Variants in FEM1C observed in about 807,000 individuals in gnomAD.
FEM1C encodes protein fem-1 homolog C.
FEM1C carries 15 observed loss-of-function variants against 37.6 expected under a neutral mutation model. The observed-to-expected ratio is 0.40, with a 90% CI of 0.27 to 0.61. The LOEUF is 0.61. FEM1C is among the 20% of genes least tolerant of loss of function. The pLI, the probability that FEM1C is intolerant of heterozygous loss-of-function variation, is 0.42. For synonymous variants in FEM1C, 287 were observed against 272.8 expected, an observed-to-expected ratio of 1.05 and a Z score of -0.51; for missense variants, 532 against 749.7, an observed-to-expected ratio of 0.71 and a Z score of 3.39.
chr5:115,532,223 A>T (rs17472710), intron 2 of FEM1C, among the ~76,000 whole-genome samples: 8,232 of 152,164 alleles, frequency 0.054, 250 homozygotes, highest in Middle Eastern at 0.13. Flanking sequence ...CTACTGCTTC[A>T]CAAATAAGTT....
chr5:115,524,863 A>G lies in FEM1C; in HGVS notation c.1299T>C (p.Ala433=), dbSNP rs1753854833. ...GGGCCTTATTTAACTGTAATGGGTC[A>G]GCTGGACACTGAGTTTGTTTGATAG... The part of the protein sequence containing the change: ...ERAIKQTQCP[A]DPLQLNKALS... Residue 433 remains alanine (A), a synonymous_variant, in exon 3 of 3, where the codon GCT becomes GCC. Coordinates refer to ENST00000274457, the MANE Select transcript of FEM1C (RefSeq NM_020177.3). 2.5e-6 allele frequency: 4 copies of G among 1,613,490 alleles called. No homozygotes were observed. Among genetic ancestry groups the G allele is most frequent in the Non-Finnish European group, 3.4e-6 (4 of 1,179,770 alleles).
chr5:115,536,283 A>T (rs1172974564), intron 2 of FEM1C, among the ~76,000 whole-genome samples: 1 of 152,020 alleles, frequency 6.6e-6, no homozygotes, highest in Admixed American at 6.6e-5. Context: ...TGGTGAAAGT[A>T]TAAGTGTTGA....
At position 115,543,654 on chromosome 5, in the gene FEM1C, T is replaced by C; in HGVS notation, c.-161A>G. 1.5e-6 allele frequency: 2 copies of C among 1,375,148 alleles called. No individual in the cohort carries two copies. Among genetic ancestry groups the C allele is most frequent in the Non-Finnish European group, 1.9e-6 (2 of 1,069,130 alleles). The allele number at this position is 1,375,148 out of a possible 1,614,324, so 85.2% of individuals were successfully genotyped here. On this transcript the variant is annotated 5_prime_UTR_variant, in exon 2 of 3. Coordinates refer to ENST00000274457, the MANE Select transcript of FEM1C (RefSeq NM_020177.3). Reference sequence around the variant, plus strand: ...CGAAGAGTATGTTCCGTCCTACTGCTTTCCAACATCTGACAACCAGGGCAC... The same window carrying C: ...CGAAGAGTATGTTCCGTCCTACTGCCTTCCAACATCTGACAACCAGGGCAC...
Position 115,539,637 on chromosome 5 carries a change from T to C in FEM1C, c.544+3313A>G, listed in dbSNP as rs147087036. Reference sequence around the variant, plus strand: ...GGATAAAGCATTTCCAAATATCTAATAGAAGAAAGTACTACTGTTGCACTT... The same window carrying C: ...GGATAAAGCATTTCCAAATATCTAACAGAAGAAAGTACTACTGTTGCACTT... On this transcript the variant is annotated intron_variant, in intron 2 of 2. Coordinates refer to ENST00000274457, the MANE Select transcript of FEM1C (RefSeq NM_020177.3). 4.6e-3 allele frequency among the ~76,000 whole-genome samples: 706 copies of C among 152,208 alleles called. 4 individuals carry two copies. Among genetic ancestry groups the C allele is most frequent in the African/African-American group, 0.016 (670 of 41,558 alleles).
At chr5:115,544,295 T>C (rs879321528) in intron 1 of FEM1C, among the ~76,000 whole-genome samples, 1 of 132,352 alleles carries the variant, frequency 7.6e-6, no homozygotes, top group Non-Finnish European at 1.6e-5. Flanking sequence ...CGCAGGTTCC[T>C]CAAACCACAG....
rs1237656564 is a variant in FEM1C at position 115,543,295 on chromosome 5, A to T, written c.199T>A (p.Ser67Thr). Residue 67 changes from serine (S) to threonine (T), a missense_variant, in exon 2 of 3, where the codon TCC (serine) becomes ACC (threonine). Coordinates refer to ENST00000274457, the MANE Select transcript of FEM1C (RefSeq NM_020177.3). Reference protein sequence around the residue: ...VEFLLEQCSASIEVGGSVNFD... With the variant: ...VEFLLEQCSATIEVGGSVNFD... ...TTGACGGAGCCCCCAACTTCTATGG[A>T]GGCACTGCATTGCTCTAGGAGGAAT... is the stretch of plus-strand genomic sequence containing the variant. 1 of 1,614,164 alleles carries T rather than the reference A, an allele frequency of 6.2e-7. No individual in the cohort carries two copies.
At chr5:115,531,951 C>G (rs763120813) in intron 2 of FEM1C, among the ~76,000 whole-genome samples, 17 of 152,058 alleles carry the variant, frequency 1.1e-4, no homozygotes, top group Non-Finnish European at 2.4e-4. Context: ...AAGTACTTCT[C>G]CCAGCACCAA....
At chr5:115,544,334 T>C (rs1387630284) in intron 1 of FEM1C, among the ~76,000 whole-genome samples, 189 bp downstream of exon 1, 1 of 115,266 alleles carries the variant, frequency 8.7e-6, no homozygotes, top group Non-Finnish European at 1.7e-5. Context: ...CCCCTCTCCC[T>C]GTTCCAGACA....
intron 2 of FEM1C, among the ~76,000 whole-genome samples, chr5:115,541,614 G>A (rs1754242909): frequency 6.6e-6 from 1 of 152,092 alleles, no homozygotes; most frequent in Non-Finnish European, 1.5e-5. Context: ...AATGTTCACA[G>A]CAGCATTGTT....
intron 2 of FEM1C, among the ~76,000 whole-genome samples, chr5:115,535,042 TTACTC>T (rs563156069): frequency 8.6e-5 from 13 of 152,006 alleles, no homozygotes; most frequent in Non-Finnish European, 1.5e-4. Flanking sequence ...TCATTCCTCT[TTACTC>T]TAAGTTTAAC....
chr5:115,536,915 T>G (rs1043731748), intron 2 of FEM1C, among the ~76,000 whole-genome samples: 3 of 151,814 alleles, frequency 2.0e-5, no homozygotes, highest in African/African-American at 7.3e-5. Context: ...TTGAAATGAG[T>G]CTCGATGTTA....
intron 2 of FEM1C, among the ~76,000 whole-genome samples, chr5:115,530,078 AAG>A (rs888708598): frequency 1.1e-4 from 16 of 152,086 alleles, no homozygotes; most frequent in African/African-American, 3.9e-4. Context: ...ATACAAAGAA[AAG>A]ACAAAAACTT....
At position 115,522,971 on chromosome 5, in the gene FEM1C, GAGAA is replaced by G. The variant is rs1031014030; in HGVS notation, c.*1333_*1336del. On this transcript the variant is annotated 3_prime_UTR_variant, in exon 3 of 3. Transcript: ENST00000274457. ...AGAGAGAGAGAGAGAGAAAGAGAAAGAGAAAGAAAGAGTGAGAGAAAGAAAGGAA... is the reference window on the plus strand; with the variant it reads ...AGAGAGAGAGAGAGAGAAAGAGAAAGAGAAAGAGTGAGAGAAAGAAAGGAA... 3 of 152,214 alleles carry G rather than the reference GAGAA, an allele frequency of 2.0e-5. No homozygotes were observed. Among genetic ancestry groups the G allele is most frequent in the African/African-American group, 4.8e-5 (2 of 41,362 alleles). The allele number at this position is 152,214 out of a possible 1,614,324, so 9.4% of individuals were successfully genotyped here.
chr5:115,524,942 G>T lies in FEM1C; in HGVS notation c.1220C>A (p.Thr407Lys), dbSNP rs138831562. Reference sequence around the variant, plus strand: ...AAGTATGCCCATAAGATCATCAAATGTAACAGTAGTACCCAGCAGGCCTTT... The same window carrying T: ...AAGTATGCCCATAAGATCATCAAATTTAACAGTAGTACCCAGCAGGCCTTT... ...RAKGLLGTTVTFDDLMGILCK... is the reference protein window; with the variant it reads ...RAKGLLGTTVKFDDLMGILCK... The change falls in exon 3 of 3, where the codon ACA becomes AAA. Residue 407 changes from threonine (T) to lysine (K), a missense_variant. Transcript: ENST00000274457. 1.9e-6 allele frequency: 3 copies of T among 1,613,780 alleles called. No individual in the cohort carries two copies. Among genetic ancestry groups the T allele is most frequent in the East Asian group, 2.2e-5 (1 of 44,864 alleles).
intron 2 of FEM1C, among the ~76,000 whole-genome samples, chr5:115,539,702 C>A (rs1033172257): frequency 3.3e-5 from 5 of 152,058 alleles, no homozygotes; most frequent in Non-Finnish European, 7.4e-5. Context: ...GAACCTGTCT[C>A]TCCAATCAAA....
intron 2 of FEM1C, among the ~76,000 whole-genome samples, chr5:115,529,399 G>A (rs1356093658): frequency 1.3e-5 from 2 of 151,884 alleles, no homozygotes; most frequent in East Asian, 1.9e-4. Flanking sequence ...TTAAAAGCAC[G>A]AAAGAAAAGT....
Position 115,524,565 on chromosome 5 carries a change from G to A in FEM1C, c.1597C>T (p.His533Tyr). Residue 533 changes from histidine (H) to tyrosine (Y), a missense_variant, in exon 3 of 3, where the codon CAT becomes TAT. Coordinates refer to ENST00000274457, the MANE Select transcript of FEM1C (RefSeq NM_020177.3). ...VRDSDDNSPLHIAALNNHPDI... is the reference protein window; with the variant it reads ...VRDSDDNSPLYIAALNNHPDI... ...GGATGGTTGTTAAGAGCAGCGATAT[G>A]CAGGGGACTGTTGTCATCCGAGTCT... The A allele has an allele frequency of 6.2e-7, 1 of 1,613,404 alleles. No individual in the cohort carries two copies. The highest frequency in any genetic ancestry group is 8.5e-7 in the Non-Finnish European group (1 of 1,179,618).
chr5:115,525,624 G>T lies in FEM1C; in HGVS notation c.545-7C>A. The T allele has an allele frequency of 6.3e-7, 1 of 1,595,744 alleles. No homozygotes were observed. Among genetic ancestry groups the T allele is most frequent in the Non-Finnish European group, 8.5e-7 (1 of 1,170,848 alleles). ...TCATGCAATGCAGTATTACCTTAAA[G>T]AGAGAGAGAAAAAAAGAAATAACAT... On this transcript the variant is annotated splice_polypyrimidine_tract_variant and splice_region_variant and intron_variant, in intron 2 of 2. Coordinates refer to ENST00000274457, the MANE Select transcript of FEM1C (RefSeq NM_020177.3).
chr5:115,537,615 G>C (rs1320994419), intron 2 of FEM1C, among the ~76,000 whole-genome samples: 1 of 152,022 alleles, frequency 6.6e-6, no homozygotes, highest in Non-Finnish European at 1.5e-5. Flanking sequence ...AATGAACACA[G>C]AGCAACTTAC....
Sources: gnomAD v4.1 joint callset for allele counts (sites outside exome capture counted in the v4.1 genomes callset) on GRCh38, gnomAD v4.1.1 for gene constraint, MANE v1.5 for transcripts, NCBI Gene and HGNC (gene_info 2026-07-23, HGNC 2026-07-21) for gene names.